Variants in SDK1 observed in about 807,000 individuals in gnomAD.
SDK1 encodes protein sidekick-1.
Under a neutral mutation model 245.5 loss-of-function variants are expected in SDK1, and 157 were observed. The ratio of observed to expected loss-of-function variants is 0.64; its 90% CI spans 0.56 to 0.73. The LOEUF (loss-of-function observed/expected upper bound fraction) is 0.73. Ranked by LOEUF, SDK1 falls within the 30% of genes least tolerant of loss-of-function variation. The pLI, the probability that SDK1 is intolerant of heterozygous loss-of-function variation, is 0.00. For synonymous variants in SDK1, 1,647 were observed against 1,278.5 expected (o/e 1.29, Z -6.15); for missense variants, 3,583 against 3,002.3 (o/e 1.19, Z -4.52).
At position 4,183,106 on chromosome 7, in the gene SDK1, C is replaced by T. The variant is rs112318530; in HGVS notation, c.5098+4520C>T. Reference sequence around the variant, plus strand: ...GGATGCCATCACGGGGCGTGGAAAACGGTCCTCATGTGCTGAGTCCACCTC... The same window carrying T: ...GGATGCCATCACGGGGCGTGGAAAATGGTCCTCATGTGCTGAGTCCACCTC... On this transcript the variant is annotated intron_variant, in intron 35 of 44. Transcript: ENST00000404826. Among the ~76,000 whole-genome samples, 298 of 152,252 alleles carry T rather than the reference C, an allele frequency of 2.0e-3. 2 individuals carry two copies. The highest frequency in any genetic ancestry group is 6.3e-3 in the African/African-American group (262 of 41,570).
chr7:3,695,033 A>C (rs1424084422), intron 4 of SDK1, among the ~76,000 whole-genome samples: 1 of 152,206 alleles, frequency 6.6e-6, no homozygotes, highest in Non-Finnish European at 1.5e-5. Flanking sequence ...AAGGTGTTTC[A>C]TTGGGAAACA....
intron 36 of SDK1, among the ~76,000 whole-genome samples, chr7:4,207,142 C>T (rs180788570): frequency 1.4e-3 from 213 of 152,354 alleles, no homozygotes; most frequent in African/African-American, 4.8e-3. Context: ...GAACGATGCT[C>T]ACCAGTCAGG....
chr7:4,182,318 C>A (rs1782646739), intron 35 of SDK1, among the ~76,000 whole-genome samples: 1 of 152,178 alleles, frequency 6.6e-6, no homozygotes, highest in African/African-American at 2.4e-5. Flanking sequence ...GCTCTGCCTT[C>A]CCCCCAGCAG....
At chr7:3,987,594 G>T (rs1023786662) in intron 14 of SDK1, among the ~76,000 whole-genome samples, 3 of 152,134 alleles carry the variant, frequency 2.0e-5, no homozygotes, top group Non-Finnish European at 4.4e-5. Flanking sequence ...GGGCTGCCCC[G>T]CACAGTGTCA....
intron 1 of SDK1, among the ~76,000 whole-genome samples, chr7:3,579,477 C>T (rs546591773): frequency 1.3e-5 from 2 of 152,136 alleles, no homozygotes; most frequent in Non-Finnish European, 2.9e-5. Context: ...ATTCAGTATC[C>T]CTTCAAGTTA....
At chr7:3,377,343 G>C (rs1300183821) in intron 1 of SDK1, among the ~76,000 whole-genome samples, 1 of 152,126 alleles carries the variant, frequency 6.6e-6, no homozygotes, top group Non-Finnish European at 1.5e-5. Context: ...TAATACTGCA[G>C]CTGCCGCAGG....
chr7:3,379,204 G>T (rs1781425632), intron 1 of SDK1, among the ~76,000 whole-genome samples: 2 of 152,170 alleles, frequency 1.3e-5, no homozygotes, highest in Non-Finnish European at 2.9e-5. Context: ...AATGTGCTGG[G>T]CATTAGAAAA....
intron 1 of SDK1, among the ~76,000 whole-genome samples, chr7:3,549,271 T>G (rs1045590404): frequency 6.6e-6 from 1 of 152,232 alleles, no homozygotes; most frequent in African/African-American, 2.4e-5. Context: ...GGATGCGTTG[T>G]TTTTGTGGAA....
intron 40 of SDK1, among the ~76,000 whole-genome samples, chr7:4,226,675 C>G (rs866647791): frequency 6.6e-6 from 1 of 152,250 alleles, no homozygotes; most frequent in Non-Finnish European, 1.5e-5. Context: ...GTTCCTTTCT[C>G]TGGCTGTGCG....
At chr7:3,598,867 A>T (rs1781158534) in intron 1 of SDK1, among the ~76,000 whole-genome samples, 1 of 130,628 alleles carries the variant, frequency 7.7e-6, no homozygotes, top group African/African-American at 3.0e-5. Flanking sequence ...CACCTTTTGA[A>T]GGACGTGGGC....
chr7:3,519,953 A>G (rs1229987984), intron 1 of SDK1, among the ~76,000 whole-genome samples: 3 of 152,182 alleles, frequency 2.0e-5, no homozygotes, highest in Non-Finnish European at 2.9e-5. Context: ...AACTCTGGAT[A>G]TTGGGATTAG....
intron 1 of SDK1, among the ~76,000 whole-genome samples, chr7:3,352,120 A>C (rs1379942882): frequency 1.3e-5 from 2 of 149,276 alleles, no homozygotes; most frequent in Non-Finnish European, 3.0e-5. Flanking sequence ...ATAATGTATA[A>C]TATATAATTT....
At chr7:3,726,414 G>C (rs1373875781) in intron 4 of SDK1, among the ~76,000 whole-genome samples, 1 of 152,194 alleles carries the variant, frequency 6.6e-6, no homozygotes, top group Non-Finnish European at 1.5e-5. Flanking sequence ...TTTCTTACAG[G>C]AAACTGTTTT....
intron 5 of SDK1, among the ~76,000 whole-genome samples, chr7:3,829,721 C>T (rs184071288): frequency 6.6e-6 from 1 of 152,310 alleles, no homozygotes; most frequent in African/African-American, 2.4e-5. Context: ...CTGCGAAGAG[C>T]TCTGTGTGTG....
rs569686566 is a variant in SDK1 at position 3,770,300 on chromosome 7, C to T, written c.714-51150C>T. 2.0e-5 allele frequency among the ~76,000 whole-genome samples: 3 copies of T among 152,260 alleles called. No homozygotes were observed. In the South Asian group the frequency reaches 6.2e-4, roughly 32 times the overall value. Reference sequence around the variant, plus strand: ...TGGCTATACGTATTAATAACTCATTCATTTGTATTGCTAAGTAATGGGTCA... The same window carrying T: ...TGGCTATACGTATTAATAACTCATTTATTTGTATTGCTAAGTAATGGGTCA... On this transcript the variant is annotated intron_variant, in intron 4 of 44. Transcript: ENST00000404826.
At chr7:3,402,653 C>T (rs1562465318) in intron 1 of SDK1, among the ~76,000 whole-genome samples, 1 of 152,068 alleles carries the variant, frequency 6.6e-6, no homozygotes, top group Admixed American at 6.6e-5. Flanking sequence ...TCATCTGGGC[C>T]ATTTTTGAGG....
chr7:4,127,165 T>G (rs530041828), intron 25 of SDK1, among the ~76,000 whole-genome samples: 57 of 152,318 alleles, frequency 3.7e-4, no homozygotes, highest in African/African-American at 1.2e-3. Flanking sequence ...TCAGGTAAAA[T>G]TGAGCTGCTA....
chr7:4,169,873 G>T (rs1039228944), intron 32 of SDK1, among the ~76,000 whole-genome samples: 1 of 152,096 alleles, frequency 6.6e-6, no homozygotes. Context: ...GCAGTGGCCC[G>T]AGTCACACAG....
At chr7:3,626,036 T>G (rs756567615) in intron 2 of SDK1, among the ~76,000 whole-genome samples, 2 of 149,308 alleles carry the variant, frequency 1.3e-5, no homozygotes, top group Non-Finnish European at 1.5e-5. Flanking sequence ...CTGGAACTCC[T>G]AGACTGAAGT....
Sources: allele counts gnomAD v4.1 joint callset (sites outside exome capture counted in the v4.1 genomes callset), GRCh38; gene constraint gnomAD v4.1.1; transcripts MANE v1.5; gene names NCBI Gene and HGNC (gene_info 2026-07-23, HGNC 2026-07-21).